Variants in HNF4G observed in about 807,000 individuals in gnomAD.
HNF4G encodes hepatocyte nuclear factor 4-gamma.
In HNF4G, 21 loss-of-function variants were observed where a neutral mutation model predicts 50.9. The ratio of observed to expected loss-of-function variants is 0.41; its 90% CI spans 0.29 to 0.59. The LOEUF is 0.59. Ranked by LOEUF, HNF4G falls within the 20% of genes least tolerant of loss-of-function variation. The pLI, the probability that HNF4G is intolerant of heterozygous loss-of-function variation, is 0.26. For synonymous variants in HNF4G, 198 were observed against 185.6 expected (o/e 1.07, Z -0.54); for missense variants, 527 against 559.4 (o/e 0.94, Z 0.58).
At chr8:75,486,526 A>G (rs1812501610) in intron 1 of HNF4G, among the ~76,000 whole-genome samples, 1 of 152,220 alleles carries the variant, frequency 6.6e-6, no homozygotes, top group Non-Finnish European at 1.5e-5. Flanking sequence ...CTTGCCTAAG[A>G]GTATTTCACA....
intron 4 of HNF4G, among the ~76,000 whole-genome samples, chr8:75,552,585 G>A (rs1332021380): frequency 6.6e-6 from 1 of 151,958 alleles, no homozygotes; most frequent in Non-Finnish European, 1.5e-5. Flanking sequence ...CTTGCTTCTT[G>A]TCTCCCCAAC....
intron 1 of HNF4G, among the ~76,000 whole-genome samples, chr8:75,478,224 G>A (rs964356398): frequency 1.3e-5 from 2 of 152,072 alleles, no homozygotes; most frequent in Non-Finnish European, 2.9e-5. Flanking sequence ...TGAGGTGGGA[G>A]GATCGCTTGA....
At chr8:75,547,163 T>A (rs1230329268) in intron 2 of HNF4G, among the ~76,000 whole-genome samples, 2 of 152,150 alleles carry the variant, frequency 1.3e-5, no homozygotes. Flanking sequence ...GGCTGTGGGG[T>A]ACACTTAAAA....
chr8:75,531,952 T>G (rs1302117646), intron 2 of HNF4G, among the ~76,000 whole-genome samples: 1 of 152,106 alleles, frequency 6.6e-6, no homozygotes, highest in Admixed American at 6.5e-5. Context: ...TATTTATTCT[T>G]AAACACAACT....
intron 2 of HNF4G, among the ~76,000 whole-genome samples, chr8:75,522,143 G>A (rs905870619): frequency 6.6e-6 from 1 of 152,164 alleles, no homozygotes; most frequent in African/African-American, 2.4e-5. Context: ...GTATTCATTA[G>A]ACTTCTGTGT....
At chr8:75,498,596 A>C (rs1247138310) in intron 2 of HNF4G, among the ~76,000 whole-genome samples, 1 of 152,082 alleles carries the variant, frequency 6.6e-6, no homozygotes, top group African/African-American at 2.4e-5. Context: ...AAGATATCAA[A>C]AGAAAAAAAA....
At chr8:75,478,709 A>G (rs938183545) in intron 1 of HNF4G, among the ~76,000 whole-genome samples, 1 of 151,898 alleles carries the variant, frequency 6.6e-6, no homozygotes, top group Non-Finnish European at 1.5e-5. Flanking sequence ...ATAGCTACGC[A>G]TCTTTTCTTT....
At chr8:75,474,435 G>A (rs1812191680) in intron 1 of HNF4G, among the ~76,000 whole-genome samples, 1 of 152,056 alleles carries the variant, frequency 6.6e-6, no homozygotes, top group Non-Finnish European at 1.5e-5. Flanking sequence ...TCCATATTAT[G>A]GCTAAATTAG....
rs58949498 is a variant in HNF4G, at chr8:75,495,220, T to C, written c.-24+5012T>C. 6.9e-3 allele frequency among the ~76,000 whole-genome samples: 1,055 copies of C among 152,312 alleles called. 14 individuals are homozygous for C. Among genetic ancestry groups the C allele is most frequent in the African/African-American group, 0.024 (991 of 41,570 alleles). On this transcript the variant is annotated intron_variant, in intron 2 of 10. Coordinates refer to the HNF4G transcript ENST00000354370. ...TCATCTTTGAAATCACCAACAATGG[T>C]ATTTCGTATCATGCAGAGTCATATA...
In HNF4G at chr8:75,547,561, C is replaced by T. The variant is rs762232239; in HGVS notation, c.288-26C>T. On this transcript the variant is annotated intron_variant, in intron 2 of 9. Coordinates refer to ENST00000396423, the MANE Select transcript of HNF4G (RefSeq NM_004133.5). ...TTCTTTTGTAAATTATAGTTTTCTG[C>T]AAACTGATATATCTTTATGTTATAG... 2.8e-6 allele frequency: 4 copies of T among 1,447,996 alleles called. No homozygotes were observed. The South Asian group carries it at 3.5e-5, about 13-fold the overall frequency. The allele number at this position is 1,447,996 out of a possible 1,614,324, so 89.7% of individuals were successfully genotyped here. A position where few individuals can be genotyped will look rare whatever the true frequency, so the allele number is the denominator to read the frequency against.
At chr8:75,526,229 A>G (rs1375717723) in intron 2 of HNF4G, among the ~76,000 whole-genome samples, 2 of 151,820 alleles carry the variant, frequency 1.3e-5, no homozygotes, top group African/African-American at 4.8e-5. Flanking sequence ...CCCAGGCTCA[A>G]TCGATCTTCT....
intron 1 of HNF4G, among the ~76,000 whole-genome samples, chr8:75,420,567 A>G (rs1810752888): frequency 6.6e-6 from 1 of 152,176 alleles, no homozygotes; most frequent in African/African-American, 2.4e-5. Context: ...GCCTTCCTTC[A>G]TCATTTGTGT....
intron 1 of HNF4G, among the ~76,000 whole-genome samples, chr8:75,408,621 G>T (rs1263491412): frequency 1.3e-5 from 2 of 152,202 alleles, no homozygotes; most frequent in Admixed American, 6.5e-5. Flanking sequence ...AGTTAACAAC[G>T]TGCCAGTTAA....
Position 75,526,722 on chromosome 8 carries a change from A to G in HNF4G, c.-23-17089A>G, listed in dbSNP as rs1585923358. ...TAATTAAAATTTTTTTTTTTTTTTT[A>G]GTAGAGACAGGGACTCACTCTTCAG... is the stretch of plus-strand genomic sequence containing the variant. On this transcript the variant is annotated intron_variant, in intron 2 of 10. Coordinates refer to the HNF4G transcript ENST00000354370. Among the ~76,000 whole-genome samples the G allele has an allele frequency of 5.5e-5, 8 of 145,130 alleles. No homozygotes were observed. The South Asian group carries it at 1.3e-3, about 24-fold the overall frequency.
chr8:75,541,935 T>C lies in HNF4G; in HGVS notation c.118+1855T>C, dbSNP rs1393571574. Among the ~76,000 whole-genome samples the C allele has an allele frequency of 2.6e-5, 4 of 151,998 alleles. No individual in the cohort carries two copies. The South Asian group carries it at 6.2e-4, about 24-fold the overall frequency. On this transcript the variant is annotated intron_variant, in intron 1 of 9. Coordinates refer to ENST00000396423, the MANE Select transcript of HNF4G (RefSeq NM_004133.5). ...GGGGCTTATATTCTGTGTGTAAAGA[T>C]GGGTAATAAATGAGCAGACCAATGC... is the stretch of plus-strand genomic sequence containing the variant.
At chr8:75,462,005 C>G (rs1248815941) in intron 1 of HNF4G, among the ~76,000 whole-genome samples, 2 of 150,964 alleles carry the variant, frequency 1.3e-5, no homozygotes, top group African/African-American at 4.9e-5. Flanking sequence ...GCAACCTCCG[C>G]CTCCTGGGTT....
chr8:75,447,747 C>T (rs1274349160), intron 1 of HNF4G, among the ~76,000 whole-genome samples: 1 of 146,136 alleles, frequency 6.8e-6, no homozygotes, highest in Non-Finnish European at 1.5e-5. Flanking sequence ...CATCTCACAC[C>T]AGTTAGAATG....
intron 1 of HNF4G, chr8:75,490,011 A>T (rs1293972594): frequency 2.6e-5 from 4 of 152,370 alleles, no homozygotes; most frequent in Non-Finnish European, 5.9e-5. Flanking sequence ...TTCAACATGC[A>T]GTTAGGGGAT....
chr8:75,480,770 G>C (rs1330905563), intron 1 of HNF4G, among the ~76,000 whole-genome samples: 4 of 149,582 alleles, frequency 2.7e-5, no homozygotes, highest in Non-Finnish European at 5.9e-5. Flanking sequence ...GAATGCAGTG[G>C]CGTGATCTCG....
Sources: gnomAD v4.1 joint callset for allele counts (sites outside exome capture counted in the v4.1 genomes callset) on GRCh38, gnomAD v4.1.1 for gene constraint, MANE v1.5 for transcripts, NCBI Gene and HGNC (gene_info 2026-07-23, HGNC 2026-07-21) for gene names.